Variants in ZNF362 observed in about 807,000 individuals in gnomAD.
The protein encoded by ZNF362 is rotund homolog.
A neutral mutation model predicts 42.9 loss-of-function variants in ZNF362; 11 were observed. The observed-to-expected ratio is 0.26, with a 90% CI of 0.16 to 0.42. The LOEUF (loss-of-function observed/expected upper bound fraction) is 0.42. Ranked by LOEUF, ZNF362 falls within the 20% of genes least tolerant of loss-of-function variation. The pLI is 1.00. For missense variants in ZNF362, 362 were observed against 576.2 expected, an observed-to-expected ratio of 0.63 and a Z score of 3.81; for synonymous variants, 255 against 257.3, an observed-to-expected ratio of 0.99 and a Z score of 0.09.
chr1:33,152,631 T>C, the ZNF362 span, among the ~76,000 whole-genome samples: 1 of 146,416 alleles, frequency 6.8e-6, no homozygotes, highest in African/African-American at 2.5e-5. Context: ...ATAATAACAA[T>C]AAACAGACAG....
the ZNF362 span, chr1:33,195,957 C>T: frequency 6.6e-6 from 1 of 152,106 alleles, no homozygotes; most frequent in Non-Finnish European, 1.5e-5. Flanking sequence ...TGTAATAACA[C>T]TTAGCTTAAA....
In ZNF362 at chr1:33,294,238, G is replaced by A. The variant is rs181963396; in HGVS notation, c.909-699G>A. 2.6e-5 allele frequency among the ~76,000 whole-genome samples: 4 copies of A among 152,326 alleles called. No homozygotes were observed. Among genetic ancestry groups the A allele is most frequent in the South Asian group, 4.1e-4 (2 of 4,828 alleles). ...ATCTGATGTTATCTTCACAAAGCCC[G>A]ATGAGATAGGAACTGTATTTTTATA... On this transcript the variant is annotated intron_variant, in intron 6 of 8. Coordinates refer to ENST00000539719, the MANE Select transcript of ZNF362 (RefSeq NM_152493.3). The surrounding 1 kb of genome is among the most constrained non-coding windows in gnomAD (Gnocchi z 4.2).
chr1:33,184,167 G>C, the ZNF362 span, among the ~76,000 whole-genome samples: 2 of 152,198 alleles, frequency 1.3e-5, no homozygotes, highest in Non-Finnish European at 2.9e-5. Flanking sequence ...CTCCCAAGGA[G>C]CTGGCAGTCT....
At chr1:33,285,244 T>G (rs557479958) in intron 6 of ZNF362, among the ~76,000 whole-genome samples, 1 of 152,190 alleles carries the variant, frequency 6.6e-6, no homozygotes, top group Non-Finnish European at 1.5e-5. Flanking sequence ...TCAAACTCCG[T>G]CTCTACTAAA....
chr1:33,153,027 G>C, the ZNF362 span, among the ~76,000 whole-genome samples: 1 of 151,744 alleles, frequency 6.6e-6, no homozygotes, highest in Non-Finnish European at 1.5e-5. Context: ...TGTTAGGCTG[G>C]GGGTGGGATA....
At chr1:33,181,309 G>A in the ZNF362 span, 1 of 1,562,140 alleles carries the variant, frequency 6.4e-7, no homozygotes, top group Admixed American at 1.9e-5. This position sits in a 1 kb window ranked among gnomAD's most constrained non-coding sequence, Gnocchi z 6.5. Flanking sequence ...TGCGCCTCCT[G>A]CCGCACCCAG....
At chr1:33,289,185 C>G (rs140486743) in intron 6 of ZNF362, among the ~76,000 whole-genome samples, 1 of 152,202 alleles carries the variant, frequency 6.6e-6, no homozygotes, top group Non-Finnish European at 1.5e-5. Context: ...AGAGGAAGAA[C>G]GACATGAGCA....
rs1479696664 is a variant in ZNF362, at chr1:33,300,185, ATATT to A, written c.*1140_*1143del. The A allele has an allele frequency of 7.9e-5, 12 of 152,592 alleles. No individual in the cohort carries two copies. The highest frequency in any genetic ancestry group is 2.9e-4 in the African/African-American group (12 of 41,420). The allele number at this position is 152,592 out of a possible 1,614,324, so 9.5% of individuals were successfully genotyped here. A position where few individuals can be genotyped will look rare whatever the true frequency, so the allele number is the denominator to read the frequency against. On this transcript the variant is annotated 3_prime_UTR_variant, in exon 9 of 9. Coordinates refer to ENST00000539719, the MANE Select transcript of ZNF362 (RefSeq NM_152493.3). Reference sequence around the variant, plus strand: ...GAAAACTAGACAGAAACTCATCTATATATTCTGTATCTGGAGTTCCGTTTTGAAT... The same window carrying A: ...GAAAACTAGACAGAAACTCATCTATACTGTATCTGGAGTTCCGTTTTGAAT...
At chr1:33,188,356 T>A in the ZNF362 span, among the ~76,000 whole-genome samples, 1 of 152,196 alleles carries the variant, frequency 6.6e-6, no homozygotes, top group Admixed American at 6.5e-5. Context: ...CTGGTTGGTA[T>A]GGTAAATAGC....
At chr1:33,267,331 C>T (rs1004845663) in intron 1 of ZNF362, among the ~76,000 whole-genome samples, 25 of 152,240 alleles carry the variant, frequency 1.6e-4, no homozygotes, top group Admixed American at 2.0e-4. Context: ...CATCTCTGCC[C>T]CTGCTCCAAG....
intron 6 of ZNF362, among the ~76,000 whole-genome samples, chr1:33,282,636 A>G (rs1345195600): frequency 2.0e-5 from 3 of 152,152 alleles, no homozygotes; most frequent in African/African-American, 7.2e-5. Context: ...AGCCTGGCCA[A>G]CGTGGCGAAA....
At chr1:33,146,951 A>C in the ZNF362 span, 1 of 579,202 alleles carries the variant, frequency 1.7e-6, no homozygotes, top group Non-Finnish European at 3.1e-6. Flanking sequence ...CCTTGGATCA[A>C]AGCTGTATCC....
At chr1:33,241,571 CAAAT>C in the ZNF362 span, among the ~76,000 whole-genome samples, 4 of 149,148 alleles carry the variant, frequency 2.7e-5, no homozygotes, top group East Asian at 2.0e-4. Flanking sequence ...AGTAAATAAA[CAAAT>C]AAATAAATAT....
rs775788647 is a variant in ZNF362 at position 33,276,493 on chromosome 1, T to G, written c.248T>G (p.Met83Arg). 1 of 1,583,424 alleles carries G rather than the reference T, an allele frequency of 6.3e-7. No homozygotes were observed. Among genetic ancestry groups the G allele is most frequent in the Non-Finnish European group, 8.6e-7 (1 of 1,168,810 alleles). ...CCCGCCGAGAGCAGCCAGGCCGTCA[T>G]GTCGCTGCCCAAGCTGCAGCAGGTG... The part of the protein sequence containing the change: ...PAPAESSQAV[M>R]SLPKLQQVPG... Residue 83 changes from methionine to arginine, a missense_variant, in exon 4 of 9, where the codon ATG becomes AGG. This residue lies in a region of ZNF362 where 266 missense variants were observed against 365.4 expected (regional missense o/e 0.73). Transcript: ENST00000539719.
the ZNF362 span, among the ~76,000 whole-genome samples, chr1:33,179,128 C>G: frequency 6.6e-6 from 1 of 152,240 alleles, no homozygotes; most frequent in South Asian, 2.1e-4. Context: ...TGGTTTCAGA[C>G]AGAGTCCCCT....
chr1:33,166,602 G>T, the ZNF362 span, among the ~76,000 whole-genome samples: 7 of 152,150 alleles, frequency 4.6e-5, no homozygotes, highest in Admixed American at 2.0e-4. Flanking sequence ...GAGAGGTCAA[G>T]AAACTGGCCC....
the ZNF362 span, among the ~76,000 whole-genome samples, chr1:33,216,599 CAAAAAAAAAAAA>C: frequency 5.6e-5 from 4 of 71,898 alleles, no homozygotes; most frequent in South Asian, 2.2e-3. Context: ...GACTCTGTCT[CAAAAAAAAAAAA>C]AAAAAAAAGA....
the ZNF362 span, among the ~76,000 whole-genome samples, chr1:33,202,457 G>T: frequency 6.6e-6 from 1 of 152,040 alleles, no homozygotes; most frequent in African/African-American, 2.4e-5. Context: ...AATCAGCCAG[G>T]CATGGTGGCG....
At chr1:33,246,710 A>G in the ZNF362 span, among the ~76,000 whole-genome samples, 8 of 152,206 alleles carry the variant, frequency 5.3e-5, no homozygotes, top group Non-Finnish European at 1.2e-4. Flanking sequence ...GGCCACGTGC[A>G]GGAATTTTGT....
Sources: gnomAD v4.1 joint callset for allele counts (sites outside exome capture counted in the v4.1 genomes callset) on GRCh38, gnomAD v4.1.1 for gene constraint, gnomAD v4.1.1 regional missense constraint, Gnocchi (gnomAD v3.1) non-coding constraint, MANE v1.5 for transcripts, NCBI Gene and HGNC (gene_info 2026-07-23, HGNC 2026-07-21) for gene names.